Variants in EHMT1 observed in about 807,000 individuals in gnomAD.
EHMT1 encodes the protein histone-lysine N-methyltransferase EHMT1.
Under a neutral mutation model 147.2 loss-of-function variants are expected in EHMT1, and 15 were observed. That is an observed-to-expected ratio of 0.10 (90% CI 0.07 to 0.16). The LOEUF is 0.16. Among genes scored for constraint, EHMT1 ranks in the 10% least tolerant of loss-of-function variants. EHMT1 has a pLI of 1.00. For missense variants in EHMT1, 1,587 were observed against 1,772.4 expected (o/e 0.90, Z 1.88); for synonymous variants, 795 against 709.6 (o/e 1.12, Z -1.91).
intron 2 of EHMT1, among the ~76,000 whole-genome samples, chr9:137,712,074 C>G (rs1031416429): frequency 7.2e-5 from 11 of 152,234 alleles, no homozygotes; most frequent in Non-Finnish European, 8.8e-5. Context: ...TTGCCCCCAC[C>G]TCCTGCGCCA....
intron 16 of EHMT1, among the ~76,000 whole-genome samples, chr9:137,796,799 A>G (rs1036769819): frequency 7.0e-6 from 1 of 142,842 alleles, no homozygotes; most frequent in African/African-American, 2.7e-5. Context: ...CATATGACCA[A>G]CAAGCAGATG....
intron 1 of EHMT1, among the ~76,000 whole-genome samples, chr9:137,673,316 T>C (rs775454522): frequency 6.6e-6 from 1 of 152,210 alleles, no homozygotes; most frequent in Non-Finnish European, 1.5e-5. Context: ...GCTGCTTTTA[T>C]ATTTGTTGTA....
chr9:137,675,773 C>A (rs375621054), intron 1 of EHMT1, among the ~76,000 whole-genome samples: 7 of 139,412 alleles, frequency 5.0e-5, no homozygotes, highest in Non-Finnish European at 1.1e-4. Flanking sequence ...CAACCACGCC[C>A]GGCTAATTTT....
At chr9:137,646,714 TC>T (rs1844918158) in intron 1 of EHMT1, among the ~76,000 whole-genome samples, 1 of 152,212 alleles carries the variant, frequency 6.6e-6, no homozygotes, top group Non-Finnish European at 1.5e-5. Context: ...CTGGGTTTGA[TC>T]CCCTCACTGC....
intron 1 of EHMT1, among the ~76,000 whole-genome samples, chr9:137,628,191 C>T (rs1002414826): frequency 1.3e-5 from 2 of 152,202 alleles, no homozygotes; most frequent in Non-Finnish European, 2.9e-5. Flanking sequence ...TTTCTGGGGT[C>T]AGTCTGCCAG....
chr9:137,640,693 C>CTTCCAACA (rs989374915), intron 1 of EHMT1, among the ~76,000 whole-genome samples: 14 of 152,362 alleles, frequency 9.2e-5, no homozygotes, highest in African/African-American at 3.4e-4. Context: ...CGCCCTTTAG[C>CTTCCAACA]TTCCAACAGT....
intron 4 of EHMT1, among the ~76,000 whole-genome samples, chr9:137,730,397 G>C (rs886162697): frequency 6.6e-6 from 1 of 152,058 alleles, no homozygotes; most frequent in Non-Finnish European, 1.5e-5. Flanking sequence ...GCTGTAAGGA[G>C]GTGCTTCACT....
At chr9:137,833,320 G>A (rs1956352336) in intron 25 of EHMT1, among the ~76,000 whole-genome samples, 1 of 152,226 alleles carries the variant, frequency 6.6e-6, no homozygotes, top group Non-Finnish European at 1.5e-5. Flanking sequence ...CCGTCGCTGG[G>A]TAACAAACCA....
In EHMT1 at chr9:137,684,588, C is replaced by T. The variant is rs538621470; in HGVS notation, c.22-26379C>T. ...CTCACTGCAACCTCCACCTCCCAGG[C>T]TCAAGCAATCCTACTACCTTAGCCT... is the stretch of plus-strand genomic sequence containing the variant. On this transcript the variant is annotated intron_variant, in intron 1 of 26. Transcript: ENST00000460843. 1.2e-4 allele frequency among the ~76,000 whole-genome samples: 18 copies of T among 152,250 alleles called. No homozygotes were observed. In the East Asian group the frequency reaches 3.3e-3, roughly 28 times the overall value.
chr9:137,688,718 C>T lies in EHMT1; in HGVS notation c.22-22249C>T, dbSNP rs527425117. On this transcript the variant is annotated intron_variant, in intron 1 of 26. Transcript: ENST00000460843. ...ACTTGATTACCATCACTTAGCAGTG[C>T]GTTTTGTGTATTCTCATGCACACGT... 1.9e-4 allele frequency among the ~76,000 whole-genome samples: 29 copies of T among 152,240 alleles called. No homozygotes were observed. In the South Asian group the frequency reaches 3.5e-3, roughly 18 times the overall value.
chr9:137,664,970 G>A (rs1939472325), intron 1 of EHMT1: 1 of 152,236 alleles, frequency 6.6e-6, no homozygotes, highest in Admixed American at 6.5e-5. Context: ...TGGCTGGTAA[G>A]CACAGCTTGC....
chr9:137,644,895 G>C (rs1844772509), intron 1 of EHMT1, among the ~76,000 whole-genome samples: 1 of 151,194 alleles, frequency 6.6e-6, no homozygotes, highest in Non-Finnish European at 1.5e-5. Flanking sequence ...TTTTTTAAGA[G>C]ACAGTCTCCC....
At chr9:137,689,075 C>T (rs1168050378) in intron 1 of EHMT1, among the ~76,000 whole-genome samples, 2 of 152,132 alleles carry the variant, frequency 1.3e-5, no homozygotes, top group Non-Finnish European at 2.9e-5. Flanking sequence ...TGCTTGTTCT[C>T]CATCCCCCAG....
At chr9:137,688,774 C>T (rs547127341) in intron 1 of EHMT1, among the ~76,000 whole-genome samples, 1 of 152,322 alleles carries the variant, frequency 6.6e-6, no homozygotes, top group South Asian at 2.1e-4. Flanking sequence ...GAGTTTGCTT[C>T]TGCGTTCTCC....
At chr9:137,621,217 G>A (rs1023757561) in intron 1 of EHMT1, among the ~76,000 whole-genome samples, 2 of 152,188 alleles carry the variant, frequency 1.3e-5, no homozygotes, top group African/African-American at 4.8e-5. Context: ...TGTGTGTAGC[G>A]CAGCAACTCT....
Position 137,834,532 on chromosome 9 carries a change from C to A in EHMT1, c.3716+8C>A, listed in dbSNP as rs1956463555. 6.2e-7 allele frequency: 1 copy of A among 1,609,100 alleles called. No homozygotes were observed. The highest frequency in any genetic ancestry group is 1.7e-5 in the Admixed American group (1 of 59,956). On this transcript the variant is annotated splice_region_variant and intron_variant, in intron 26 of 26. Coordinates refer to ENST00000460843, the MANE Select transcript of EHMT1 (RefSeq NM_024757.5). ...GGCCGGCGAGCAGCTCGGGTACGCA[C>A]CGCCCCGGCCCCTGGCCATCTCCGC...
intron 1 of EHMT1, among the ~76,000 whole-genome samples, chr9:137,695,005 T>C (rs1433009308): frequency 1.3e-5 from 2 of 152,240 alleles, no homozygotes; most frequent in South Asian, 2.1e-4. Context: ...TCACCAGTTA[T>C]GTCAAGGCAC....
intron 1 of EHMT1, among the ~76,000 whole-genome samples, chr9:137,678,930 G>T (rs921481547): frequency 2.6e-5 from 4 of 152,082 alleles, no homozygotes; most frequent in Admixed American, 1.3e-4. Context: ...TGAAAACTGA[G>T]AATTTGTTTA....
intron 18 of EHMT1, among the ~76,000 whole-genome samples, chr9:137,807,880 T>G (rs1448819968): frequency 6.6e-6 from 1 of 152,104 alleles, no homozygotes; most frequent in Non-Finnish European, 1.5e-5. Context: ...ATTGACTGGG[T>G]TTTTCTCCCC....
Sources: allele counts gnomAD v4.1 joint callset (sites outside exome capture counted in the v4.1 genomes callset), GRCh38; gene constraint gnomAD v4.1.1; transcripts MANE v1.5; gene names NCBI Gene and HGNC (gene_info 2026-07-23, HGNC 2026-07-21).